CCSER1: variants seen among roughly 807,000 people sequenced by gnomAD.
The protein encoded by CCSER1 is serine-rich coiled-coil domain-containing protein 1.
In CCSER1, 41 loss-of-function variants were observed where a neutral mutation model predicts 82.0. The observed-to-expected ratio is 0.50, with a 90% CI of 0.39 to 0.65. CCSER1 has a LOEUF of 0.65. CCSER1 is among the 30% of genes least tolerant of loss of function. The pLI is 0.00. For synonymous variants in CCSER1, 414 were observed against 383.9 expected (o/e 1.08, Z -0.92); for missense variants, 1,119 against 1,064.2 (o/e 1.05, Z -0.72).
At position 91,058,267 on chromosome 4, in the gene CCSER1, C is replaced by T. The variant is rs930433919; in HGVS notation, c.2173-27683C>T. 6.6e-4 allele frequency among the ~76,000 whole-genome samples: 101 copies of T among 152,030 alleles called. 1 individual carries two copies. The highest frequency in any genetic ancestry group is 2.3e-3 in the African/African-American group (96 of 41,476). ...CTAAAGAGAATGTGGTACATATTCTCTTTACATGGTGTATTACATACACCA... is the reference window on the plus strand; with the variant it reads ...CTAAAGAGAATGTGGTACATATTCTTTTTACATGGTGTATTACATACACCA... On this transcript the variant is annotated intron_variant, in intron 9 of 10. Coordinates refer to ENST00000509176, the MANE Select transcript of CCSER1 (RefSeq NM_001145065.2).
chr4:91,361,723 T>G (rs1171996353), intron 10 of CCSER1, among the ~76,000 whole-genome samples: 2 of 151,784 alleles, frequency 1.3e-5, no homozygotes, highest in Non-Finnish European at 2.9e-5. Flanking sequence ...GACATGTCTT[T>G]GAGATACGGA....
chr4:90,778,537 A>AAAG (rs1554011734), intron 7 of CCSER1, among the ~76,000 whole-genome samples: 2 of 151,208 alleles, frequency 1.3e-5, no homozygotes, highest in Non-Finnish European at 3.0e-5. Context: ...TAAAAAAAAA[A>AAAG]AAACACAAAA....
At chr4:90,531,715 A>G (rs1472781645) in intron 5 of CCSER1, among the ~76,000 whole-genome samples, 2 of 152,204 alleles carry the variant, frequency 1.3e-5, no homozygotes, top group African/African-American at 4.8e-5. Flanking sequence ...TAATATTGTT[A>G]AATAGCATCA....
intron 1 of CCSER1, among the ~76,000 whole-genome samples, chr4:90,171,701 C>T (rs1479402502): frequency 6.6e-6 from 1 of 151,818 alleles, no homozygotes; most frequent in African/African-American, 2.4e-5. Context: ...CAATGAGCAA[C>T]GGTGTACCCT....
chr4:90,571,109 G>A (rs915306128), intron 5 of CCSER1, among the ~76,000 whole-genome samples: 1 of 152,154 alleles, frequency 6.6e-6, no homozygotes, highest in Non-Finnish European at 1.5e-5. Context: ...CAGAGAAAAG[G>A]GAATGCTTAT....
chr4:90,715,766 G>A (rs1009890960), intron 6 of CCSER1, among the ~76,000 whole-genome samples: 9 of 151,894 alleles, frequency 5.9e-5, no homozygotes, highest in African/African-American at 2.2e-4. Context: ...GTGTATACTG[G>A]TAGAATCTCT....
rs191140853 is a variant in CCSER1 at position 90,422,977 on chromosome 4, A to C, written c.1603+22848A>C. Among the ~76,000 whole-genome samples, 278 of 152,270 alleles carry C rather than the reference A, an allele frequency of 1.8e-3. 1 individual carries two copies. Among genetic ancestry groups the C allele is most frequent in the African/African-American group, 6.2e-3 (258 of 41,552 alleles). ...CCATATTCGATAATGATGACTTGGG[A>C]AGTCTCTTTTGTTTTCTCCTTGTGA... On this transcript the variant is annotated intron_variant, in intron 4 of 10. Coordinates refer to ENST00000509176, the MANE Select transcript of CCSER1 (RefSeq NM_001145065.2).
intron 10 of CCSER1, among the ~76,000 whole-genome samples, chr4:91,440,789 T>G (rs1240825247): frequency 6.6e-6 from 1 of 152,094 alleles, no homozygotes; most frequent in Non-Finnish European, 1.5e-5. Flanking sequence ...AAAGGGCATA[T>G]CACCACCAAT....
At chr4:90,413,636 A>G (rs1352742832) in intron 4 of CCSER1, among the ~76,000 whole-genome samples, 7 of 152,056 alleles carry the variant, frequency 4.6e-5, no homozygotes, top group African/African-American at 1.7e-4. Context: ...AATAATTTGA[A>G]TAGTTTCATA....
chr4:91,448,204 C>A (rs1755675928), intron 10 of CCSER1, among the ~76,000 whole-genome samples: 1 of 152,030 alleles, frequency 6.6e-6, no homozygotes, highest in Admixed American at 6.6e-5. Context: ...GTTTGTCTTT[C>A]AAATTTTCAA....
intron 1 of CCSER1, among the ~76,000 whole-genome samples, chr4:90,259,040 G>T (rs113663272): frequency 6.6e-6 from 1 of 152,076 alleles, no homozygotes; most frequent in African/African-American, 2.4e-5. Flanking sequence ...ATTTTGATGG[G>T]AATAGCATTG....
chr4:90,174,487 G>A (rs148001195), intron 1 of CCSER1, among the ~76,000 whole-genome samples: 2 of 152,034 alleles, frequency 1.3e-5, no homozygotes, highest in Admixed American at 1.3e-4. Flanking sequence ...GATTTTCTCA[G>A]GTTAGTGCCT....
chr4:90,615,283 TG>T (rs1720968713), intron 5 of CCSER1, among the ~76,000 whole-genome samples: 1 of 152,220 alleles, frequency 6.6e-6, no homozygotes, highest in South Asian at 2.1e-4. Flanking sequence ...CTGTAGCTCA[TG>T]GATCGTTGAG....
chr4:91,274,717 C>T (rs750537048), intron 10 of CCSER1, among the ~76,000 whole-genome samples: 3 of 152,098 alleles, frequency 2.0e-5, no homozygotes, highest in Admixed American at 1.3e-4. Flanking sequence ...TTTCTTTATT[C>T]GTTTGACCAT....
At chr4:91,033,154 C>A (rs980656442) in intron 9 of CCSER1, among the ~76,000 whole-genome samples, 19 of 152,132 alleles carry the variant, frequency 1.2e-4, no homozygotes, top group African/African-American at 4.1e-4. Context: ...AGGGTCCTGG[C>A]ACGAAATAGA....
At chr4:90,478,902 G>T (rs534285325) in intron 5 of CCSER1, among the ~76,000 whole-genome samples, 1 of 151,654 alleles carries the variant, frequency 6.6e-6, no homozygotes, top group South Asian at 2.1e-4. Flanking sequence ...CACCACACTC[G>T]GCTAATTTTT....
chr4:90,982,793 G>T (rs899010451), intron 9 of CCSER1, among the ~76,000 whole-genome samples: 2 of 151,746 alleles, frequency 1.3e-5, no homozygotes, highest in Non-Finnish European at 2.9e-5. Flanking sequence ...TGGCTGAAAA[G>T]AGTGAGAAAA....
At chr4:90,464,675 A>G (rs1763383776) in intron 4 of CCSER1, among the ~76,000 whole-genome samples, 1 of 152,176 alleles carries the variant, frequency 6.6e-6, no homozygotes, top group Non-Finnish European at 1.5e-5. Context: ...TCAAACTGTT[A>G]TTTATATCTA....
At chr4:91,085,741 G>A (rs761026922) in intron 9 of CCSER1, among the ~76,000 whole-genome samples, 2 of 151,598 alleles carry the variant, frequency 1.3e-5, no homozygotes, top group Non-Finnish European at 2.9e-5. Flanking sequence ...TGTAGGGGTC[G>A]GCAGGAAATG....
Sources: gnomAD v4.1 joint callset for allele counts (sites outside exome capture counted in the v4.1 genomes callset) on GRCh38, gnomAD v4.1.1 for gene constraint, MANE v1.5 for transcripts, NCBI Gene and HGNC (gene_info 2026-07-23, HGNC 2026-07-21) for gene names.